EEF2K: variants seen among roughly 807,000 people sequenced by gnomAD.
EEF2K encodes eukaryotic elongation factor 2 kinase, also known as alternative protein EEF2K.
Under a neutral mutation model 93.8 loss-of-function variants are expected in EEF2K, and 70 were observed. The observed-to-expected ratio is 0.75, with a 90% CI of 0.62 to 0.91. EEF2K has a LOEUF of 0.91. EEF2K is among the 40% of genes least tolerant of loss of function. EEF2K has a pLI of 0.00. For synonymous variants in EEF2K, 376 were observed against 380.8 expected (o/e 0.99, Z 0.15); for missense variants, 935 against 972.9 (o/e 0.96, Z 0.52).
At chr16:22,213,358 C>T (rs575686858) in intron 1 of EEF2K, among the ~76,000 whole-genome samples, 5 of 152,182 alleles carry the variant, frequency 3.3e-5, no homozygotes, top group Non-Finnish European at 5.9e-5. Flanking sequence ...TTGGGCCGGA[C>T]CTTCTTCACT....
Position 22,280,216 on chromosome 16 carries a change from G to T in EEF2K, c.1908G>T (p.Glu636Asp), listed in dbSNP as rs761848194. The T allele has an allele frequency of 6.5e-7, 1 of 1,536,224 alleles. No individual in the cohort carries two copies. The highest frequency in any genetic ancestry group is 2.5e-5 in the East Asian group (1 of 39,686). Reference protein sequence around the residue: ...LSPDRCQDWLEALHWYNTALE... With the variant: ...LSPDRCQDWLDALHWYNTALE... The stretch of plus-strand genomic sequence containing the variant: ...TGGCAAGGTGCCAAGACTGGCTAGA[G>T]GCCCTGCACTGGTACAACACTGCCC... Residue 636 changes from glutamate (E) to aspartate (D), a missense_variant, in exon 17 of 18, where the codon GAG (glutamate) becomes GAT (aspartate). Coordinates refer to ENST00000263026, the MANE Select transcript of EEF2K (RefSeq NM_013302.5).
intron 15 of EEF2K, among the ~76,000 whole-genome samples, chr16:22,267,429 C>T (rs777945693): frequency 6.6e-6 from 1 of 151,948 alleles, no homozygotes; most frequent in Non-Finnish European, 1.5e-5. Flanking sequence ...CCCGCCTCTA[C>T]CAGAAAAATA....
Position 22,266,844 on chromosome 16 carries a change from C to T in EEF2K, c.1732C>T (p.Pro578Ser). Residue 578 changes from proline to serine, a missense_variant, in exon 15 of 18, where the codon CCT becomes TCT. Physicochemically the swap from Pro to Ser is moderately conservative, Grantham distance 74 (BLOSUM62 -1). Coordinates refer to ENST00000263026, the MANE Select transcript of EEF2K (RefSeq NM_013302.5). ...VGLGLMYSQLPHHILADVSLK... is the reference protein window; with the variant it reads ...VGLGLMYSQLSHHILADVSLK... ...CCTGGGACTCATGTACTCGCAGTTG[C>T]CTCATCACATCCTAGCCGATGTCTC... is the stretch of plus-strand genomic sequence containing the variant. The T allele has an allele frequency of 6.2e-7, 1 of 1,613,446 alleles. No homozygotes were observed. The highest frequency in any genetic ancestry group is 8.5e-7 in the Non-Finnish European group (1 of 1,179,638).
intron 1 of EEF2K, among the ~76,000 whole-genome samples, chr16:22,207,604 G>A (rs760054662): frequency 6.6e-6 from 1 of 152,124 alleles, no homozygotes; most frequent in Non-Finnish European, 1.5e-5. Context: ...CTATGGCCCC[G>A]GGAGACATCT....
At chr16:22,235,144 G>A (rs376021212) in intron 2 of EEF2K, among the ~76,000 whole-genome samples, 27 of 151,654 alleles carry the variant, frequency 1.8e-4, no homozygotes, top group African/African-American at 5.6e-4. Context: ...AACCTGGGAG[G>A]CAGAGATTGC....
chr16:22,272,308 A>G (rs1335748370), intron 15 of EEF2K, among the ~76,000 whole-genome samples: 1 of 152,208 alleles, frequency 6.6e-6, no homozygotes, highest in East Asian at 1.9e-4. Context: ...GAATGGATAA[A>G]CGAAATGTGA....
At chr16:22,240,867 T>G (rs2004529) in intron 2 of EEF2K, among the ~76,000 whole-genome samples, 3,710 of 152,176 alleles carry the variant, frequency 0.024, 158 homozygotes, top group African/African-American at 0.083. Context: ...CCTCCTGGGT[T>G]CAAGCGATTC....
At chr16:22,270,293 A>AT (rs879354373) in intron 15 of EEF2K, among the ~76,000 whole-genome samples, 138 of 143,728 alleles carry the variant, frequency 9.6e-4, no homozygotes, top group African/African-American at 2.8e-3. Context: ...TAATTTTTGT[A>AT]TTTTTTTTTT....
At position 22,250,786 on chromosome 16, in the gene EEF2K, G is replaced by A; in HGVS notation, c.446+95G>A. ...GGGACATTTTCAGCCAAGGAATGGA[G>A]CCAGGGGCCTCTGCCTTCTTGTAGC... On this transcript the variant is annotated intron_variant, in intron 5 of 17. Coordinates refer to ENST00000263026, the MANE Select transcript of EEF2K (RefSeq NM_013302.5). 3.9e-6 allele frequency: 6 copies of A among 1,521,514 alleles called. No individual in the cohort carries two copies. In the South Asian group the frequency reaches 4.6e-5, roughly 12 times the overall value. 94.3% of individuals were successfully genotyped at this position (1,521,514 alleles called of 1,614,324 possible).
chr16:22,226,532 T>TTTTTTTTTTTTA lies in EEF2K; in HGVS notation c.246+557_246+558insTTTTTTTTTTTA, dbSNP rs1479936035. Among the ~76,000 whole-genome samples the TTTTTTTTTTTTA allele has an allele frequency of 4.7e-5, 7 of 148,650 alleles. 1 individual carries two copies. The highest frequency in any genetic ancestry group is 4.3e-4 in the South Asian group (2 of 4,702). On this transcript the variant is annotated intron_variant, in intron 2 of 17. Coordinates refer to ENST00000263026, the MANE Select transcript of EEF2K (RefSeq NM_013302.5). ...CCTTCTTCTTCTTTTTTTTTTTTTT[T>TTTTTTTTTTTTA]ATAAACGTGGTCTCGCTTTGTTGCC...
intron 10 of EEF2K, 92 bp from the exon 11 acceptor site, chr16:22,260,370 G>T: frequency 1.6e-6 from 2 of 1,222,118 alleles, no homozygotes; most frequent in Non-Finnish European, 2.3e-6. Flanking sequence ...AAAAGGCTTG[G>T]TGGCAGGTAT....
chr16:22,258,625 C>T lies in EEF2K; in HGVS notation c.1161C>T (p.Asp387=), dbSNP rs780182579. The change falls in exon 10 of 18, where the codon GAC becomes GAT. Residue 387 remains aspartate, a synonymous_variant. Coordinates refer to ENST00000263026, the MANE Select transcript of EEF2K (RefSeq NM_013302.5). Reference sequence around the variant, plus strand: ...ACTCTGGAGACGAGAACATGAGCGACGTGACCTTCGACTCTCTCCCTTCTT... The same window carrying T: ...ACTCTGGAGACGAGAACATGAGCGATGTGACCTTCGACTCTCTCCCTTCTT... ...SENSGDENMS[D]VTFDSLPSSP... is the part of the protein sequence containing the mutation. 9 of 1,614,156 alleles carry T rather than the reference C, an allele frequency of 5.6e-6. No homozygotes were observed. The highest frequency in any genetic ancestry group is 3.3e-5 in the Admixed American group (2 of 60,010).
rs1314299921 is a variant in EEF2K at position 22,286,781 on chromosome 16, C to A, written c.*2785C>A. On this transcript the variant is annotated 3_prime_UTR_variant, in exon 18 of 18. Coordinates refer to ENST00000263026, the MANE Select transcript of EEF2K (RefSeq NM_013302.5). ...AGTGCTTTGGCATAGAGTAGGCACT[C>A]AACAAGTGTGTGAACAGATGGAGAG... The A allele has an allele frequency of 6.6e-6, 1 of 152,206 alleles. No homozygotes were observed. The highest frequency in any genetic ancestry group is 1.9e-4 in the East Asian group (1 of 5,194). The allele number at this position is 152,206 out of a possible 1,614,324, so 9.4% of individuals were successfully genotyped here.
At chr16:22,228,690 A>G (rs2047087467) in intron 2 of EEF2K, among the ~76,000 whole-genome samples, 1 of 152,232 alleles carries the variant, frequency 6.6e-6, no homozygotes, top group African/African-American at 2.4e-5. Context: ...ACAGTAAATT[A>G]TTTAACACGT....
Position 22,285,005 on chromosome 16 carries a change from T to G in EEF2K, c.*1009T>G, listed in dbSNP as rs2047741117. ...ACAGCCGAATTCCATCTTTTAAGCA[T>G]GCTTTCTACGGTGGGCTTTTCAAAA... On this transcript the variant is annotated 3_prime_UTR_variant, in exon 18 of 18. Coordinates refer to ENST00000263026, the MANE Select transcript of EEF2K (RefSeq NM_013302.5). 1 of 152,682 alleles carries G rather than the reference T, an allele frequency of 6.5e-6. No individual in the cohort carries two copies. The highest frequency in any genetic ancestry group is 2.4e-5 in the African/African-American group (1 of 41,472). 9.5% of individuals were successfully genotyped at this position (152,682 alleles called of 1,614,324 possible). A position where few individuals can be genotyped will look rare whatever the true frequency, so the allele number is the denominator to read the frequency against.
chr16:22,218,847 G>A (rs548325071), intron 1 of EEF2K, among the ~76,000 whole-genome samples: 2 of 151,868 alleles, frequency 1.3e-5, no homozygotes, highest in African/African-American at 2.4e-5. Context: ...ACTGGAGGCC[G>A]GGCGCAGTGG....
At position 22,234,720 on chromosome 16, in the gene EEF2K, C is replaced by T. The variant is rs571171047; in HGVS notation, c.246+8745C>T. 7.2e-5 allele frequency among the ~76,000 whole-genome samples: 11 copies of T among 152,028 alleles called. No homozygotes were observed. The South Asian group carries it at 1.5e-3, about 20-fold the overall frequency. On this transcript the variant is annotated intron_variant, in intron 2 of 17. Coordinates refer to ENST00000263026, the MANE Select transcript of EEF2K (RefSeq NM_013302.5). ...TAAATTCTATACCCCTTAGCCATCACGCTCTAATATACACATCCCACCCAG... is the reference window on the plus strand; with the variant it reads ...TAAATTCTATACCCCTTAGCCATCATGCTCTAATATACACATCCCACCCAG...
chr16:22,247,019 CAG>C (rs2047299478), intron 3 of EEF2K, among the ~76,000 whole-genome samples: 1 of 100,472 alleles, frequency 1.0e-5, no homozygotes, highest in South Asian at 3.4e-4. Context: ...GCCTGGGTGA[CAG>C]AGCGAGACTC....
chr16:22,257,536 G>T, intron 8 of EEF2K, 107 bp from the exon 9 acceptor site: 2 of 1,550,504 alleles, frequency 1.3e-6, no homozygotes, highest in South Asian at 1.2e-5. Flanking sequence ...ATGCCTCCCA[G>T]CTTGGCACGT....
Sources: allele counts gnomAD v4.1 joint callset (sites outside exome capture counted in the v4.1 genomes callset), GRCh38; gene constraint gnomAD v4.1.1; transcripts MANE v1.5; gene names NCBI Gene and HGNC (gene_info 2026-07-23, HGNC 2026-07-21).